The following FRMD4A variants were observed in gnomAD, a reference collection of about 807,000 sequenced individuals.
The protein encoded by FRMD4A is FERM domain-containing protein 4A.
Under a neutral mutation model 129.1 loss-of-function variants are expected in FRMD4A, and 29 were observed. The ratio of observed to expected loss-of-function variants is 0.22; its 90% CI spans 0.17 to 0.31. The LOEUF is 0.31. Among genes scored for constraint, FRMD4A ranks in the 10% least tolerant of loss-of-function variants. The pLI, the probability that FRMD4A is intolerant of heterozygous loss-of-function variation, is 1.00. For missense variants in FRMD4A, 1,272 were observed against 1,375.8 expected, an observed-to-expected ratio of 0.92 and a Z score of 1.19; for synonymous variants, 634 against 571.6, an observed-to-expected ratio of 1.11 and a Z score of -1.56.
At chr10:13,944,908 A>T (rs2095320759) in intron 2 of FRMD4A, among the ~76,000 whole-genome samples, 1 of 152,268 alleles carries the variant, frequency 6.6e-6, no homozygotes, top group Non-Finnish European at 1.5e-5. Flanking sequence ...GCCTGATGGG[A>T]ACCCTGTGGT....
chr10:14,055,965 C>T (rs888016823), intron 2 of FRMD4A, among the ~76,000 whole-genome samples: 2 of 152,070 alleles, frequency 1.3e-5, no homozygotes, highest in African/African-American at 2.4e-5. Context: ...GACGGAGTCT[C>T]GCTCTTTCGC....
intron 3 of FRMD4A, among the ~76,000 whole-genome samples, chr10:13,847,495 G>T (rs866792530): frequency 2.4e-4 from 36 of 152,056 alleles, no homozygotes; most frequent in African/African-American, 7.7e-4. Context: ...GGAGGGGCTC[G>T]CTCGCTCCCT....
At chr10:13,737,647 A>G (rs1378965788) in intron 12 of FRMD4A, among the ~76,000 whole-genome samples, 197 bp downstream of exon 12, 1 of 152,092 alleles carries the variant, frequency 6.6e-6, no homozygotes, top group Admixed American at 6.6e-5. Context: ...TTCCTTAGAG[A>G]CAGGGAGAAA....
intron 2 of FRMD4A, among the ~76,000 whole-genome samples, chr10:14,092,212 C>T (rs1431252774): frequency 3.3e-5 from 5 of 152,172 alleles, no homozygotes; most frequent in African/African-American, 1.2e-4. Flanking sequence ...CTAGGGGCAC[C>T]TGACCACGTA....
chr10:14,326,613 G>A (rs1413670809), intron 2 of FRMD4A: 4 of 388,824 alleles, frequency 1.0e-5, no homozygotes, highest in Non-Finnish European at 1.4e-5. Flanking sequence ...TGTCCTGAAG[G>A]TGAGCCTTTA....
chr10:13,954,770 C>G (rs979572698), intron 2 of FRMD4A, among the ~76,000 whole-genome samples: 5 of 152,222 alleles, frequency 3.3e-5, no homozygotes, highest in Non-Finnish European at 7.3e-5. Flanking sequence ...CAGTTCATCT[C>G]AGATCCACTG....
At chr10:14,046,313 G>A (rs1304608258) in intron 2 of FRMD4A, among the ~76,000 whole-genome samples, 3 of 152,110 alleles carry the variant, frequency 2.0e-5, no homozygotes, top group Non-Finnish European at 4.4e-5. Context: ...CAGTGATAAG[G>A]AGTTGTGACA....
chr10:14,270,752 C>A (rs1845136393), intron 2 of FRMD4A, among the ~76,000 whole-genome samples: 1 of 152,134 alleles, frequency 6.6e-6, no homozygotes, highest in African/African-American at 2.4e-5. Flanking sequence ...TTCCTGTGGG[C>A]TAATTGATAT....
intron 2 of FRMD4A, among the ~76,000 whole-genome samples, chr10:14,192,140 C>T (rs1237490237): frequency 6.6e-6 from 1 of 152,192 alleles, no homozygotes; most frequent in Non-Finnish European, 1.5e-5. Flanking sequence ...CCCTTATCAT[C>T]CAAGGGAATT....
At chr10:14,277,206 A>G (rs1237707085) in intron 2 of FRMD4A, among the ~76,000 whole-genome samples, 3 of 152,194 alleles carry the variant, frequency 2.0e-5, no homozygotes, top group Non-Finnish European at 4.4e-5. Context: ...TCTCAGAAGA[A>G]GCCCTCACAG....
chr10:14,268,124 A>T (rs1845042132), intron 2 of FRMD4A, among the ~76,000 whole-genome samples: 1 of 151,338 alleles, frequency 6.6e-6, no homozygotes, highest in South Asian at 2.1e-4. Flanking sequence ...TATTACTTAA[A>T]TAATGAGAAC....
In FRMD4A at chr10:13,728,573, C is replaced by CTTTTTTTTTTTTT. The variant is rs10706168; in HGVS notation, c.759+9258_759+9270dup. ...TCAGTGCTTTCAGGTGATTACCATTCTTTTTTTTTTTTTTTTTGAGATGGA... is the reference window on the plus strand; with the variant it reads ...TCAGTGCTTTCAGGTGATTACCATTCTTTTTTTTTTTTTTTTTTTTTTTTTTTTTTGAGATGGA... On this transcript the variant is annotated intron_variant, in intron 12 of 24. Coordinates refer to ENST00000357447, the MANE Select transcript of FRMD4A (RefSeq NM_018027.5). Among the ~76,000 whole-genome samples, 151 of 78,342 alleles carry CTTTTTTTTTTTTT rather than the reference C, an allele frequency of 1.9e-3. 18 individuals are homozygous for CTTTTTTTTTTTTT. Among genetic ancestry groups the CTTTTTTTTTTTTT allele is most frequent in the African/African-American group, 2.8e-3 (59 of 21,260 alleles). The allele number at this position is 78,342 out of a possible 152,430, so 51.4% of individuals were successfully genotyped here. A position where few individuals can be genotyped will look rare whatever the true frequency, so the allele number is the denominator to read the frequency against.
chr10:13,835,614 G>A (rs75258069), intron 3 of FRMD4A, among the ~76,000 whole-genome samples: 2 of 152,270 alleles, frequency 1.3e-5, no homozygotes, highest in African/African-American at 2.4e-5. Flanking sequence ...GTGCATGCGA[G>A]CTATCTGGGT....
At position 14,254,805 on chromosome 10, in the gene FRMD4A, AT is replaced by A. The variant is rs1844555092; in HGVS notation, c.45+75252del. Among the ~76,000 whole-genome samples, 4 of 152,238 alleles carry A rather than the reference AT, an allele frequency of 2.6e-5. No homozygotes were observed. In the South Asian group the frequency reaches 8.3e-4, roughly 32 times the overall value. On this transcript the variant is annotated intron_variant, in intron 2 of 24. Coordinates refer to ENST00000357447, the MANE Select transcript of FRMD4A (RefSeq NM_018027.5). ...ATAATAATAATAAAATCGAAAAAAAATAATAGCCTAGGTTTTAAGGGGAAGA... is the reference window on the plus strand; with the variant it reads ...ATAATAATAATAAAATCGAAAAAAAAAATAGCCTAGGTTTTAAGGGGAAGA...
chr10:14,116,453 G>C (rs562234089), intron 2 of FRMD4A, among the ~76,000 whole-genome samples: 1 of 152,246 alleles, frequency 6.6e-6, no homozygotes, highest in South Asian at 2.1e-4. Flanking sequence ...TTCTACCTTG[G>C]CTGAAAGCAG....
intron 8 of FRMD4A, among the ~76,000 whole-genome samples, chr10:13,754,904 G>A (rs760455398): frequency 4.6e-5 from 7 of 152,060 alleles, no homozygotes; most frequent in Non-Finnish European, 1.0e-4. Context: ...TTTTCAAGTG[G>A]TCAATTTAAA....
chr10:13,850,393 A>G (rs1484428740), intron 3 of FRMD4A, among the ~76,000 whole-genome samples: 1 of 152,216 alleles, frequency 6.6e-6, no homozygotes, highest in Non-Finnish European at 1.5e-5. Flanking sequence ...TATCACCAGC[A>G]TCGCTGTCAG....
chr10:14,223,320 T>G (rs562396982), intron 2 of FRMD4A, among the ~76,000 whole-genome samples: 1 of 152,302 alleles, frequency 6.6e-6, no homozygotes, highest in East Asian at 1.9e-4. Flanking sequence ...AATTCTTCCT[T>G]TCTTCCCCCA....
chr10:13,875,141 G>A (rs1340575383), intron 2 of FRMD4A, among the ~76,000 whole-genome samples: 4 of 152,184 alleles, frequency 2.6e-5, no homozygotes, highest in South Asian at 2.1e-4. Context: ...GAAGGACACC[G>A]TGGCGGATGA....
Sources: gnomAD v4.1 joint callset for allele counts (sites outside exome capture counted in the v4.1 genomes callset) on GRCh38, gnomAD v4.1.1 for gene constraint, MANE v1.5 for transcripts, NCBI Gene and HGNC (gene_info 2026-07-23, HGNC 2026-07-21) for gene names.